Variants in ASIC2 observed in about 807,000 individuals in gnomAD.
ASIC2 encodes the protein acid sensing ion channel subunit 2, also known as acid-sensing ion channel 2.
ASIC2 carries 25 observed loss-of-function variants against 57.3 expected under a neutral mutation model. That is an observed-to-expected ratio of 0.44 (90% confidence interval 0.32 to 0.61). The LOEUF (loss-of-function observed/expected upper bound fraction) is 0.61. Ranked by LOEUF, ASIC2 falls within the 20% of genes least tolerant of loss-of-function variation. The pLI is 0.06. For synonymous variants in ASIC2, 319 were observed against 307.5 expected (o/e 1.04, Z -0.39); for missense variants, 641 against 738.1 (o/e 0.87, Z 1.52).
At chr17:33,698,351 C>A (rs66785114) in intron 1 of ASIC2, among the ~76,000 whole-genome samples, 43,541 of 151,938 alleles carry the variant, frequency 0.29, 6,485 homozygotes, top group African/African-American at 0.36. Context: ...TCTACTTCAT[C>A]GTGTTGTCAT....
intron 1 of ASIC2, among the ~76,000 whole-genome samples, chr17:33,422,647 A>C (rs557279336): frequency 6.6e-6 from 1 of 152,260 alleles, no homozygotes; most frequent in African/African-American, 2.4e-5. Context: ...CTAAGGGCTG[A>C]TGCAGATGCT....
chr17:34,018,541 C>T (rs1279253058), intron 1 of ASIC2, among the ~76,000 whole-genome samples: 1 of 152,144 alleles, frequency 6.6e-6, no homozygotes, highest in Non-Finnish European at 1.5e-5. Flanking sequence ...AGTGATTCCT[C>T]TCATGAATTT....
At position 33,278,136 on chromosome 17, in the gene ASIC2, C is replaced by T. The variant is rs540245090; in HGVS notation, c.708+13272G>A. ...TGAAGATGTCACTTCCTCAGAGAAT[C>T]GATCCTCCCCTGCTCCCTGGCTTCA... On this transcript the variant is annotated intron_variant, in intron 1 of 9. Coordinates refer to ENST00000225823, the MANE Select transcript of ASIC2 (RefSeq NM_183377.2). Among the ~76,000 whole-genome samples the T allele has an allele frequency of 3.3e-5, 5 of 151,910 alleles. No homozygotes were observed. The East Asian group carries it at 9.7e-4, about 29-fold the overall frequency.
chr17:33,478,480 AT>A (rs1347710712), intron 1 of ASIC2, among the ~76,000 whole-genome samples: 85 of 152,332 alleles, frequency 5.6e-4, no homozygotes, highest in African/African-American at 1.9e-3. Context: ...ATGAATGAAC[AT>A]GCTATCTGAG....
intron 1 of ASIC2, among the ~76,000 whole-genome samples, chr17:33,999,151 T>C (rs1012993827): frequency 2.0e-5 from 3 of 152,182 alleles, no homozygotes; most frequent in Non-Finnish European, 4.4e-5. Context: ...GCACTTAAAA[T>C]CTATTTTGTC....
intron 1 of ASIC2, among the ~76,000 whole-genome samples, chr17:34,151,449 T>A (rs1196995383): frequency 6.6e-6 from 1 of 152,170 alleles, no homozygotes; most frequent in Admixed American, 6.5e-5. Flanking sequence ...GACACACTGC[T>A]ATAAAAGCTG....
At chr17:33,932,741 A>AAAAAAATATATATATATATAT (rs1555572867) in intron 1 of ASIC2, 15 of 58,670 alleles carry the variant, frequency 2.6e-4, no homozygotes, top group Admixed American at 4.9e-4. Flanking sequence ...AAAAAAAAAA[A>AAAAAAATATATATATATATAT]ATATATATAT....
intron 1 of ASIC2, among the ~76,000 whole-genome samples, chr17:33,132,018 T>G (rs1446102192): frequency 2.0e-5 from 3 of 152,154 alleles, no homozygotes; most frequent in Non-Finnish European, 4.4e-5. Flanking sequence ...GAGTTCATTT[T>G]ATTTAAAATG....
intron 1 of ASIC2, among the ~76,000 whole-genome samples, chr17:33,686,874 A>G (rs530977696): frequency 6.6e-6 from 1 of 152,294 alleles, no homozygotes; most frequent in East Asian, 1.9e-4. Context: ...AAATGGGGAC[A>G]GGACTGGGGT....
chr17:33,765,912 T>C (rs1910921719), intron 1 of ASIC2, among the ~76,000 whole-genome samples: 1 of 152,216 alleles, frequency 6.6e-6, no homozygotes, highest in Non-Finnish European at 1.5e-5. Flanking sequence ...CAGTATCTTA[T>C]GACCTTTCCA....
chr17:33,042,524 G>C (rs750211194), intron 3 of ASIC2, among the ~76,000 whole-genome samples: 1 of 152,162 alleles, frequency 6.6e-6, no homozygotes, highest in Non-Finnish European at 1.5e-5. Flanking sequence ...TATGTGCCAG[G>C]CACTGTTCTA....
At chr17:33,495,664 G>A (rs899208800) in intron 1 of ASIC2, among the ~76,000 whole-genome samples, 9 of 152,116 alleles carry the variant, frequency 5.9e-5, no homozygotes, top group African/African-American at 1.4e-4. Flanking sequence ...GCACCTAATG[G>A]TGCCAAAGGC....
At chr17:33,313,165 T>G (rs1906503384) in intron 1 of ASIC2, among the ~76,000 whole-genome samples, 1 of 151,290 alleles carries the variant, frequency 6.6e-6, no homozygotes, top group African/African-American at 2.4e-5. Flanking sequence ...ACAAAATTTT[T>G]TTTTTAAAAA....
At chr17:33,756,532 G>A (rs1216104373) in intron 1 of ASIC2, among the ~76,000 whole-genome samples, 2 of 149,706 alleles carry the variant, frequency 1.3e-5, no homozygotes, top group East Asian at 2.0e-4. Context: ...TCCTTCCACT[G>A]TCCTGCCACC....
chr17:33,664,622 G>A (rs989731694), intron 1 of ASIC2, among the ~76,000 whole-genome samples: 1 of 152,118 alleles, frequency 6.6e-6, no homozygotes, highest in African/African-American at 2.4e-5. Context: ...TGTCACATAT[G>A]GTCCCCGAGC....
intron 1 of ASIC2, among the ~76,000 whole-genome samples, chr17:33,394,178 TA>T (rs1419401010): frequency 6.6e-6 from 1 of 152,162 alleles, no homozygotes; most frequent in Non-Finnish European, 1.5e-5. Context: ...GGGCTATAAG[TA>T]AAAATGGAAA....
chr17:33,467,349 T>C (rs1327889459), intron 1 of ASIC2, among the ~76,000 whole-genome samples: 1 of 152,156 alleles, frequency 6.6e-6, no homozygotes, highest in Non-Finnish European at 1.5e-5. Flanking sequence ...GCTGAGAAAA[T>C]TATGAGCTGT....
intron 1 of ASIC2, among the ~76,000 whole-genome samples, chr17:34,139,921 A>G (rs1437882302): frequency 6.6e-6 from 1 of 152,268 alleles, no homozygotes; most frequent in Non-Finnish European, 1.5e-5. Flanking sequence ...TTACATTTCA[A>G]CAAAGCTATT....
chr17:34,092,096 G>A (rs1910354316), intron 1 of ASIC2, among the ~76,000 whole-genome samples: 1 of 151,684 alleles, frequency 6.6e-6, no homozygotes, highest in Non-Finnish European at 1.5e-5. Flanking sequence ...AATTCTAGGG[G>A]TGGTAGTGGA....
Sources: allele counts gnomAD v4.1 joint callset (sites outside exome capture counted in the v4.1 genomes callset), GRCh38; gene constraint gnomAD v4.1.1; transcripts MANE v1.5; gene names NCBI Gene and HGNC (gene_info 2026-07-23, HGNC 2026-07-21).